Variants in ZNF682 observed in about 807,000 individuals in gnomAD.
ZNF682 encodes zinc finger protein 682.
Under a neutral mutation model 36.5 loss-of-function variants are expected in ZNF682, and 29 were observed. The observed-to-expected ratio is 0.80, with a 90% confidence interval of 0.59 to 1.08. ZNF682 has a LOEUF of 1.08. Ranked by LOEUF, ZNF682 falls within the 50% of genes least tolerant of loss-of-function variation. ZNF682 has a pLI of 0.00. For missense variants in ZNF682, 561 were observed against 579.7 expected (o/e 0.97, Z 0.33); for synonymous variants, 180 against 197.0 (o/e 0.91, Z 0.72).
At chr19:20,031,172 T>C (rs2088476484) in intron 1 of ZNF682, 1 of 152,266 alleles carries the variant, frequency 6.6e-6, no homozygotes, top group Non-Finnish European at 1.5e-5. Flanking sequence ...CCTAAACCCA[T>C]ATGTGATATC....
At chr19:20,018,549 C>A (rs544932881) in intron 3 of ZNF682, among the ~76,000 whole-genome samples, 3 of 151,898 alleles carry the variant, frequency 2.0e-5, no homozygotes, top group Non-Finnish European at 2.9e-5. Context: ...GATGATAAAA[C>A]AAAATAGCTC....
chr19:20,036,803 TAAAAAAAAAAGAAAA>T (rs991927186), intron 1 of ZNF682, among the ~76,000 whole-genome samples: 5 of 29,556 alleles, frequency 1.7e-4, no homozygotes, highest in Non-Finnish European at 2.4e-4. Flanking sequence ...GCTGTCTCTA[TAAAAAAAAAAGAAAA>T]AAAAAAAAAA....
At chr19:20,025,092 A>G (rs1220376122) in intron 1 of ZNF682, among the ~76,000 whole-genome samples, 1 of 152,224 alleles carries the variant, frequency 6.6e-6, no homozygotes, top group Non-Finnish European at 1.5e-5. Context: ...CTGAATTTCT[A>G]AAAGCTAGCC....
At chr19:19,997,148 C>T (rs370334496) in exon 4 of ZNF682, 4 of 398,182 alleles carry the variant, frequency 1.0e-5, no homozygotes, top group African/African-American at 8.2e-5. Flanking sequence ...TCCAGGGGCA[C>T]AGAGAATGAG....
intron 3 of ZNF682, among the ~76,000 whole-genome samples, chr19:20,008,374 G>A (rs1425002392): frequency 1.3e-5 from 2 of 152,194 alleles, no homozygotes; most frequent in Admixed American, 6.5e-5. Flanking sequence ...AATTCAGCCT[G>A]CTCCCAGGGA....
At position 20,006,205 on chromosome 19, in the gene ZNF682, C is replaced by T. The variant is rs753487516; in HGVS notation, c.1297G>A (p.Ala433Thr). The T allele has an allele frequency of 3.1e-5, 50 of 1,613,700 alleles. No individual in the cohort carries two copies. In the Admixed American group the frequency reaches 8.2e-4, roughly 26 times the overall value. ...KPYNCEECGK[A>T]FNRCSHLTRH... is the part of the protein sequence containing the mutation. ...GTAAGGTGTGAGCACCGATTAAAGG[C>T]TTTTCCACATTCTTCACAGTTGTAG... is the stretch of plus-strand genomic sequence containing the variant. The change falls in exon 4 of 4, where the codon GCC (alanine) becomes ACC (threonine). Residue 433 changes from alanine (A) to threonine (T), a missense_variant. Physicochemically the swap from Ala to Thr is moderately conservative, Grantham distance 58. Coordinates refer to ENST00000397165, the MANE Select transcript of ZNF682 (RefSeq NM_033196.3).
At position 20,008,923 on chromosome 19, in the gene ZNF682, G is replaced by A. The variant is rs144463309; in HGVS notation, c.227-1648C>T. Among the ~76,000 whole-genome samples the A allele has an allele frequency of 3.3e-3, 496 of 152,070 alleles. 1 individual carries two copies. The highest frequency in any genetic ancestry group is 0.011 in the African/African-American group (472 of 41,488). The stretch of plus-strand genomic sequence containing the variant: ...CTGCAGGAACTTATCTACAACCAAG[G>A]GACCTAGACAGAACCTCTGCCCTCT... On this transcript the variant is annotated intron_variant, in intron 3 of 3. Coordinates refer to ENST00000397165, the MANE Select transcript of ZNF682 (RefSeq NM_033196.3).
In ZNF682 at chr19:20,039,486, G is replaced by C. The variant is rs1291316549; in HGVS notation, c.-141C>G. 2.5e-6 allele frequency: 3 copies of C among 1,192,836 alleles called. No individual in the cohort carries two copies. The highest frequency in any genetic ancestry group is 2.3e-6 in the Non-Finnish European group (2 of 861,714). 73.9% of individuals were successfully genotyped at this position (1,192,836 alleles called of 1,614,324 possible). A position where few individuals can be genotyped will look rare whatever the true frequency, so the allele number is the denominator to read the frequency against. On this transcript the variant is annotated 5_prime_UTR_variant, in exon 1 of 4. Transcript: ENST00000397165. ...GCAATGAAGATGGACCCTGAGCTCTGGCTGGAGCGAGACAAAGGCCCCGCC... is the reference window on the plus strand; with the variant it reads ...GCAATGAAGATGGACCCTGAGCTCTCGCTGGAGCGAGACAAAGGCCCCGCC...
intron 1 of ZNF682, among the ~76,000 whole-genome samples, chr19:20,036,655 G>A: frequency 6.8e-6 from 1 of 146,990 alleles, no homozygotes; most frequent in East Asian, 2.0e-4. Flanking sequence ...TGAAGAAGCA[G>A]AGAAAAAAGG....
rs1234168934 is a variant in ZNF682, at chr19:20,038,333, T to C, written c.3+1010A>G. Among the ~76,000 whole-genome samples the C allele has an allele frequency of 4.6e-5, 7 of 152,094 alleles. No homozygotes were observed. The East Asian group carries it at 1.2e-3, about 25-fold the overall frequency. On this transcript the variant is annotated intron_variant, in intron 1 of 3. Coordinates refer to ENST00000397165, the MANE Select transcript of ZNF682 (RefSeq NM_033196.3). Reference sequence around the variant, plus strand: ...TGCCATCCGCTGCTCTTTGAAATAATGATCAATCAAAATACTGTGTCTGAA... The same window carrying C: ...TGCCATCCGCTGCTCTTTGAAATAACGATCAATCAAAATACTGTGTCTGAA...
chr19:20,000,109 AG>A (rs1470327976), downstream of ZNF682, among the ~76,000 whole-genome samples: 2 of 152,194 alleles, frequency 1.3e-5, no homozygotes, highest in Non-Finnish European at 2.9e-5. Flanking sequence ...GACATGGGAG[AG>A]GAGGCTGAGT....
chr19:20,013,897 T>A (rs959073239), intron 3 of ZNF682, among the ~76,000 whole-genome samples: 2 of 152,118 alleles, frequency 1.3e-5, no homozygotes, highest in African/African-American at 4.8e-5. Flanking sequence ...CTTTTAAAAA[T>A]GGAAATCTTA....
chr19:20,034,774 CAAAAAA>C (rs34063491), intron 1 of ZNF682, among the ~76,000 whole-genome samples: 2 of 134,180 alleles, frequency 1.5e-5, no homozygotes, highest in Admixed American at 1.5e-4. Context: ...AACTCCATCT[CAAAAAA>C]AAAAAAAAGA....
intron 3 of ZNF682, among the ~76,000 whole-genome samples, chr19:20,011,993 C>T (rs1036523147): frequency 4.0e-5 from 6 of 151,886 alleles, no homozygotes; most frequent in East Asian, 3.9e-4. Flanking sequence ...GCGGAGATTG[C>T]GCCACTGCAC....
chr19:20,007,339 C>A, intron 3 of ZNF682, 64 bp from the exon 4 acceptor site: 2 of 1,392,804 alleles, frequency 1.4e-6, no homozygotes, highest in Non-Finnish European at 1.9e-6. Context: ...ATATACTTTA[C>A]AAATCTAATA....
intron 3 of ZNF682, among the ~76,000 whole-genome samples, chr19:20,012,940 C>T (rs1424536657): frequency 6.6e-6 from 1 of 151,748 alleles, no homozygotes; most frequent in Non-Finnish European, 1.5e-5. Context: ...AAAATCAAAA[C>T]AATAAAATGG....
At chr19:19,996,940 C>T, downstream of ZNF682, 1 of 316,138 alleles carries the variant, frequency 3.2e-6, no homozygotes, top group South Asian at 1.6e-4. Context: ...TCCTTCTCCA[C>T]ATGGGCTATT....
intron 1 of ZNF682, among the ~76,000 whole-genome samples, chr19:20,028,834 G>A (rs764882711): frequency 1.2e-4 from 19 of 152,138 alleles, no homozygotes; most frequent in Non-Finnish European, 1.8e-4. Flanking sequence ...GTGCTCAGAA[G>A]CACACTATAG....
At chr19:20,010,613 C>A (rs968728059) in intron 3 of ZNF682, among the ~76,000 whole-genome samples, 2 of 151,886 alleles carry the variant, frequency 1.3e-5, no homozygotes, top group African/African-American at 4.8e-5. Flanking sequence ...AAGCTGATAT[C>A]GCGCCTGCAC....
Sources: allele counts gnomAD v4.1 joint callset (sites outside exome capture counted in the v4.1 genomes callset), GRCh38; gene constraint gnomAD v4.1.1; transcripts MANE v1.5; gene names NCBI Gene and HGNC (gene_info 2026-07-23, HGNC 2026-07-21).